CDH12: variants seen among roughly 807,000 people sequenced by gnomAD.
The protein encoded by CDH12 is cadherin-12.
In CDH12, 41 loss-of-function variants were observed where a neutral mutation model predicts 74.1. That is an observed-to-expected ratio of 0.55 (90% confidence interval 0.43 to 0.72). CDH12 has a LOEUF of 0.72. Among genes scored for constraint, CDH12 ranks in the 30% least tolerant of loss-of-function variants. The pLI, the probability that CDH12 is intolerant of heterozygous loss-of-function variation, is 0.00. For synonymous variants in CDH12, 399 were observed against 355.0 expected (o/e 1.12, Z -1.39); for missense variants, 945 against 977.2 (o/e 0.97, Z 0.44).
At chr5:22,581,115 A>G (rs151064837) in intron 1 of CDH12, among the ~76,000 whole-genome samples, 121 of 152,328 alleles carry the variant, frequency 7.9e-4, no homozygotes, top group African/African-American at 2.7e-3. Context: ...ATATGTCACA[A>G]GGAGTCAAAT....
intron 1 of CDH12, among the ~76,000 whole-genome samples, chr5:22,836,223 C>CTTGTTTTTTTTTTTTTTTT (rs1736815923): frequency 1.5e-5 from 1 of 65,506 alleles, no homozygotes; most frequent in Non-Finnish European, 2.6e-5. Flanking sequence ...CTTTCTTTCT[C>CTTGTTTTTTTTTTTTTTTT]TTTTTTTTTT....
chr5:21,871,220 T>C (rs1174562769), intron 6 of CDH12, among the ~76,000 whole-genome samples: 1 of 152,204 alleles, frequency 6.6e-6, no homozygotes, highest in African/African-American at 2.4e-5. Flanking sequence ...ATTGTGATTA[T>C]AATCTTTGTC....
chr5:22,293,983 C>T (rs944962149), intron 3 of CDH12, among the ~76,000 whole-genome samples: 2 of 151,864 alleles, frequency 1.3e-5, no homozygotes, highest in Non-Finnish European at 2.9e-5. Flanking sequence ...GTTCTCAGCA[C>T]AAAAACAATA....
chr5:22,436,711 T>G, intron 2 of CDH12, among the ~76,000 whole-genome samples: 1 of 151,976 alleles, frequency 6.6e-6, no homozygotes, highest in East Asian at 1.9e-4. Context: ...AGAAAAACAA[T>G]ATAGAAAAAA....
intron 1 of CDH12, among the ~76,000 whole-genome samples, chr5:22,819,181 A>C (rs1749542725): frequency 6.6e-6 from 1 of 152,180 alleles, no homozygotes; most frequent in Non-Finnish European, 1.5e-5. Flanking sequence ...TTGCTGACGC[A>C]GGTAAACTTA....
intron 3 of CDH12, among the ~76,000 whole-genome samples, chr5:22,380,766 A>C (rs1245687673): frequency 6.6e-6 from 1 of 152,138 alleles, no homozygotes; most frequent in Non-Finnish European, 1.5e-5. Flanking sequence ...ATGTTTTAAT[A>C]AGAATGCACA....
chr5:21,903,326 C>T (rs1279798259), intron 6 of CDH12, among the ~76,000 whole-genome samples: 2 of 151,946 alleles, frequency 1.3e-5, no homozygotes, highest in Non-Finnish European at 2.9e-5. Flanking sequence ...TACTTAGCTC[C>T]CTGTGAAAAT....
At chr5:22,244,784 G>GAA (rs1202090378) in intron 3 of CDH12, among the ~76,000 whole-genome samples, 1 of 123,164 alleles carries the variant, frequency 8.1e-6, no homozygotes, top group Non-Finnish European at 1.8e-5. Flanking sequence ...AAGAAAGAAA[G>GAA]AAAGAAAGAA....
chr5:21,798,481 C>T (rs1746922545), intron 10 of CDH12, among the ~76,000 whole-genome samples: 1 of 152,010 alleles, frequency 6.6e-6, no homozygotes, highest in African/African-American at 2.4e-5. Flanking sequence ...AGAGTTCTCT[C>T]CTGATTACTG....
At chr5:22,351,442 G>A (rs1404610507) in intron 3 of CDH12, among the ~76,000 whole-genome samples, 2 of 152,102 alleles carry the variant, frequency 1.3e-5, no homozygotes, top group Non-Finnish European at 2.9e-5. Context: ...ATACAAATTG[G>A]TGCTTTATTA....
intron 1 of CDH12, among the ~76,000 whole-genome samples, chr5:22,775,130 C>A (rs1747024892): frequency 1.3e-5 from 2 of 151,828 alleles, no homozygotes; most frequent in Admixed American, 1.3e-4. Flanking sequence ...GCAATTATTT[C>A]TCCAATGAAT....
At chr5:21,913,474 A>G (rs1176162588) in intron 6 of CDH12, among the ~76,000 whole-genome samples, 1 of 152,134 alleles carries the variant, frequency 6.6e-6, no homozygotes, top group Non-Finnish European at 1.5e-5. Flanking sequence ...AAAGTAAACA[A>G]GTTTCTGTCC....
At chr5:22,353,588 TACTC>T (rs1740440940) in intron 3 of CDH12, among the ~76,000 whole-genome samples, 1 of 152,114 alleles carries the variant, frequency 6.6e-6, no homozygotes, top group African/African-American at 2.4e-5. Context: ...CACACAAACA[TACTC>T]ACACAAACAT....
At chr5:22,159,924 C>CAT in intron 4 of CDH12, among the ~76,000 whole-genome samples, 1 of 152,114 alleles carries the variant, frequency 6.6e-6, no homozygotes, top group Non-Finnish European at 1.5e-5. Context: ...TGCGTGTGTG[C>CAT]GTGCATGTGC....
Position 22,717,745 on chromosome 5 carries a change from T to C in CDH12, c.-523+135313A>G, listed in dbSNP as rs78394331. Among the ~76,000 whole-genome samples the C allele has an allele frequency of 4.7e-3, 712 of 152,308 alleles. 3 individuals carry two copies. The highest frequency in any genetic ancestry group is 0.034 in the East Asian group (175 of 5,176). ...ATGGGAGAGGTAAACTTCTATTTGT[T>C]CTAAGAATACATGTTCTTTACAGTT... On this transcript the variant is annotated intron_variant, in intron 1 of 14. Coordinates refer to ENST00000382254, the MANE Select transcript of CDH12 (RefSeq NM_004061.5).
At chr5:22,452,201 T>C (rs553922904) in intron 2 of CDH12, among the ~76,000 whole-genome samples, 1 of 151,888 alleles carries the variant, frequency 6.6e-6, no homozygotes, top group Non-Finnish European at 1.5e-5. Flanking sequence ...AATAAAATTC[T>C]TCACAAAATA....
intron 3 of CDH12, among the ~76,000 whole-genome samples, chr5:22,240,518 G>T (rs992592819): frequency 3.3e-5 from 5 of 152,146 alleles, no homozygotes; most frequent in Non-Finnish European, 7.4e-5. Context: ...ACGGGCAAAA[G>T]AATACTTTGA....
At chr5:22,321,956 T>C (rs1489296574) in intron 3 of CDH12, among the ~76,000 whole-genome samples, 1 of 152,194 alleles carries the variant, frequency 6.6e-6, no homozygotes, top group African/African-American at 2.4e-5. Flanking sequence ...AACAATTGAC[T>C]ATTTTTACAA....
In CDH12 at chr5:22,426,195, A is replaced by G. The variant is rs1414713578; in HGVS notation, c.-427-20844T>C. On this transcript the variant is annotated intron_variant, in intron 2 of 14. Transcript: ENST00000382254. ...AGGGAGAATCCATCTCAAAAAAAAG[A>G]AAAAAAAAAAAAAAAGGATACATAA... Among the ~76,000 whole-genome samples, 43 of 7,816 alleles carry G rather than the reference A, an allele frequency of 5.5e-3. 1 individual carries two copies. Among genetic ancestry groups the G allele is most frequent in the African/African-American group, 0.013 (34 of 2,542 alleles). 5.1% of individuals were successfully genotyped at this position (7,816 alleles called of 152,430 possible).
Sources: gnomAD v4.1 joint callset for allele counts (sites outside exome capture counted in the v4.1 genomes callset) on GRCh38, gnomAD v4.1.1 for gene constraint, MANE v1.5 for transcripts, NCBI Gene and HGNC (gene_info 2026-07-23, HGNC 2026-07-21) for gene names.